TECTA: variants seen among roughly 807,000 people sequenced by gnomAD.
TECTA encodes tectorin alpha.
Under a neutral mutation model 216.8 loss-of-function variants are expected in TECTA, and 128 were observed. The observed-to-expected ratio is 0.59, with a 90% CI of 0.51 to 0.68. TECTA has a LOEUF of 0.68. TECTA is among the 30% of genes least tolerant of loss of function. The probability of loss-of-function intolerance (pLI) is 0.00; values close to 1 mark genes in which losing one functional copy is unlikely to be tolerated. For missense variants in TECTA, 2,551 were observed against 2,786.2 expected (o/e 0.92, Z 1.90); for synonymous variants, 1,089 against 1,117.1 (o/e 0.97, Z 0.50).
Position 121,130,111 on chromosome 11 carries a change from G to A in TECTA, c.2841G>A (p.Gly947=), listed in dbSNP as rs141514646. The A allele has an allele frequency of 1.3e-5, 21 of 1,613,000 alleles. No homozygotes were observed. The highest frequency in any genetic ancestry group is 1.8e-5 in the Non-Finnish European group (21 of 1,180,036). ...RTCLFRLCQS[G]GNESELCDSV... ...GCCTTTTCCGCCTGTGCCAGAGTGG[G>A]GGCAATGAGTCAGAGCTCTGTGACT... is the stretch of plus-strand genomic sequence containing the variant. Residue 947 remains glycine, a synonymous_variant, in exon 10 of 24, where the codon GGG becomes GGA. Coordinates refer to ENST00000392793, the MANE Select transcript of TECTA (RefSeq NM_005422.4).
rs754618046 is a variant in TECTA at position 121,128,191 on chromosome 11, C to G, written c.2214C>G (p.Thr738=). The G allele has an allele frequency of 1.9e-6, 3 of 1,607,416 alleles. No homozygotes were observed. Among genetic ancestry groups the G allele is most frequent in the Non-Finnish European group, 1.7e-6 (2 of 1,180,002 alleles). Residue 738 remains threonine, a synonymous_variant, in exon 9 of 24, where the codon ACC becomes ACG. Transcript: ENST00000392793. ...SYAFPSEFSY[T]LLKTCPERPE... is the part of the protein sequence containing the mutation. The stretch of plus-strand genomic sequence containing the variant: ...CCTTCCCCTCCGAGTTCTCCTACAC[C>G]CTCCTGAAGACCTGCCCTGAGCGCC...
rs1194040811 is a variant in TECTA at position 121,105,278 on chromosome 11, C to T, written c.65-553C>T. ...GGGCAAAGAGCCTCTTGCAGGGCCG[C>T]CCTCAATCAAGGTCATTCATGGGCC... On this transcript the variant is annotated intron_variant, in intron 2 of 23. Transcript: ENST00000392793. The surrounding 1 kb of genome is among the most constrained non-coding windows in gnomAD (Gnocchi z 5.3). Among the ~76,000 whole-genome samples the T allele has an allele frequency of 6.6e-6, 1 of 152,240 alleles. No individual in the cohort carries two copies. Among genetic ancestry groups the T allele is most frequent in the Non-Finnish European group, 1.5e-5 (1 of 68,044 alleles).
At position 121,157,928 on chromosome 11, in the gene TECTA, A is replaced by G; in HGVS notation, c.4393A>G (p.Lys1465Glu). 1 of 1,614,154 alleles carries G rather than the reference A, an allele frequency of 6.2e-7. No individual in the cohort carries two copies. Among genetic ancestry groups the G allele is most frequent in the Non-Finnish European group, 8.5e-7 (1 of 1,180,028 alleles). Residue 1465 changes from lysine to glutamate, a missense_variant, in exon 14 of 24, where the codon AAG (lysine) becomes GAG (glutamate). By Grantham distance (56) the Lys-to-Glu change is moderately conservative. This residue lies in a region of TECTA where 2,375 missense variants were observed against 2,563.9 expected (regional missense o/e 0.93). Transcript: ENST00000392793. ...NVIQCDPRQC[K>E]SDEECALRNG... ...GATTCAGTGCGACCCGCGCCAATGC[A>G]AGTCAGACGAGGAGTGTGCGCTGCG...
At chr11:121,136,351 G>T (rs555223173) in intron 10 of TECTA, among the ~76,000 whole-genome samples, 11 of 152,246 alleles carry the variant, frequency 7.2e-5, no homozygotes, top group South Asian at 4.1e-4. Context: ...CTTTGTGGGT[G>T]GGGGGCTGTC....
chr11:121,119,009 ACACAC>A (rs1427006638), intron 7 of TECTA, among the ~76,000 whole-genome samples: 2 of 139,804 alleles, frequency 1.4e-5, no homozygotes, highest in Non-Finnish European at 1.6e-5. Context: ...ACACACACAC[ACACAC>A]ACACACACAC....
In TECTA at chr11:121,184,655, G is replaced by T. The variant is rs189376097; in HGVS notation, c.6000-3177G>T. Among the ~76,000 whole-genome samples the T allele has an allele frequency of 3.3e-5, 5 of 152,276 alleles. No homozygotes were observed. The East Asian group carries it at 9.6e-4, about 29-fold the overall frequency. On this transcript the variant is annotated intron_variant, in intron 20 of 23. Coordinates refer to ENST00000392793, the MANE Select transcript of TECTA (RefSeq NM_005422.4). ...CAGGCTCAGAGAGGCTAGGCACAGCGCTCACTCAAGGTCACACAACTATCA... is the reference window on the plus strand; with the variant it reads ...CAGGCTCAGAGAGGCTAGGCACAGCTCTCACTCAAGGTCACACAACTATCA...
chr11:121,120,560 T>A (rs569429572), intron 7 of TECTA, among the ~76,000 whole-genome samples: 49 of 152,174 alleles, frequency 3.2e-4, no homozygotes, highest in Non-Finnish European at 5.6e-4. Flanking sequence ...AAATGGCCAC[T>A]AAGATCTGTT....
chr11:121,187,711 A>G, intron 20 of TECTA, 121 bp from the exon 21 acceptor site: 1 of 1,082,326 alleles, frequency 9.2e-7, no homozygotes, highest in Non-Finnish European at 1.4e-6. Context: ...TTTCAAATGT[A>G]AAGGCATTTC....
At chr11:121,153,397 C>T (rs1946912531) in intron 13 of TECTA, among the ~76,000 whole-genome samples, 1 of 152,196 alleles carries the variant, frequency 6.6e-6, no homozygotes, top group Non-Finnish European at 1.5e-5. Flanking sequence ...ATTTTCTGTC[C>T]TGTGAATCTC....
At chr11:121,120,241 C>T (rs930171994) in intron 7 of TECTA, among the ~76,000 whole-genome samples, 4 of 152,150 alleles carry the variant, frequency 2.6e-5, no homozygotes, top group Admixed American at 6.5e-5. Flanking sequence ...TCTGTTCCAT[C>T]GTCCAAGCAT....
intron 8 of TECTA, 49 bp downstream of exon 8, chr11:121,125,921 A>C (rs761708349): frequency 3.2e-6 from 5 of 1,586,716 alleles, no homozygotes; most frequent in Non-Finnish European, 4.3e-6. Context: ...TGCAGGGGGC[A>C]GGGATAGGCT....
chr11:121,148,368 G>T (rs1185933777), intron 12 of TECTA, among the ~76,000 whole-genome samples: 3 of 151,952 alleles, frequency 2.0e-5, no homozygotes, highest in African/African-American at 7.3e-5. Context: ...AGGAGATGGT[G>T]GTAATGAATG....
chr11:121,189,893 C>T lies in TECTA; in HGVS notation c.6367+13C>T. ...AAGAGCTGCAGAGGTAGACACTCTTCTACCCTGGGGCAGGCAGCTGGGAGA... is the reference window on the plus strand; with the variant it reads ...AAGAGCTGCAGAGGTAGACACTCTTTTACCCTGGGGCAGGCAGCTGGGAGA... On this transcript the variant is annotated intron_variant, in intron 23 of 23. Transcript: ENST00000392793. The T allele has an allele frequency of 6.2e-7, 1 of 1,607,968 alleles. No individual in the cohort carries two copies. Among genetic ancestry groups the T allele is most frequent in the Middle Eastern group, 2.1e-4 (1 of 4,804 alleles).
chr11:121,138,566 G>C lies in TECTA; in HGVS notation c.3543+544G>C, dbSNP rs148880650. Among the ~76,000 whole-genome samples, 1,280 of 152,254 alleles carry C rather than the reference G, an allele frequency of 8.4e-3. 11 individuals carry two copies. Among genetic ancestry groups the C allele is most frequent in the Middle Eastern group, 0.048 (14 of 294 alleles). On this transcript the variant is annotated intron_variant, in intron 11 of 23. Coordinates refer to ENST00000392793, the MANE Select transcript of TECTA (RefSeq NM_005422.4). Reference sequence around the variant, plus strand: ...ATCTGTGAGTTCATGAGTCTCACACGCATTTGGAGGACTCGGGGCTCTCCT... The same window carrying C: ...ATCTGTGAGTTCATGAGTCTCACACCCATTTGGAGGACTCGGGGCTCTCCT...
intron 7 of TECTA, 42 bp from the exon 8 acceptor site, chr11:121,125,260 G>C: frequency 6.3e-7 from 1 of 1,593,920 alleles, no homozygotes; most frequent in Non-Finnish European, 8.5e-7. Flanking sequence ...CCAGTGCCTG[G>C]GCACCTGCTC....
intron 18 of TECTA, among the ~76,000 whole-genome samples, chr11:121,167,516 A>G (rs781565936): frequency 6.6e-6 from 1 of 152,212 alleles, no homozygotes; most frequent in Admixed American, 6.5e-5. Flanking sequence ...TATCCAGTGT[A>G]TAGGTTAGCA....
chr11:121,186,317 G>T (rs1050958690), intron 20 of TECTA, among the ~76,000 whole-genome samples: 1 of 152,242 alleles, frequency 6.6e-6, no homozygotes, highest in Non-Finnish European at 1.5e-5. Context: ...GGACATGCAG[G>T]CCACTTCTCT....
chr11:121,136,459 CAG>C (rs1946728187), intron 10 of TECTA, among the ~76,000 whole-genome samples: 1 of 151,960 alleles, frequency 6.6e-6, no homozygotes, highest in South Asian at 2.1e-4. Context: ...GCACCAGGAA[CAG>C]AGAAATGAAA....
chr11:121,135,546 C>A (rs1480577627), intron 10 of TECTA, among the ~76,000 whole-genome samples: 1 of 152,150 alleles, frequency 6.6e-6, no homozygotes, highest in Non-Finnish European at 1.5e-5. Context: ...ACTCCAAAGC[C>A]GTGTGGTATT....
Sources: gnomAD v4.1 joint callset for allele counts (sites outside exome capture counted in the v4.1 genomes callset) on GRCh38, gnomAD v4.1.1 for gene constraint, gnomAD v4.1.1 regional missense constraint, Gnocchi (gnomAD v3.1) non-coding constraint, MANE v1.5 for transcripts, NCBI Gene and HGNC (gene_info 2026-07-23, HGNC 2026-07-21) for gene names.